The following SGCD variants were observed in gnomAD, a reference collection of about 807,000 sequenced individuals.
SGCD encodes the protein delta-sarcoglycan.
A neutral mutation model predicts 36.6 loss-of-function variants in SGCD; 18 were observed. The observed-to-expected ratio is 0.49, with a 90% CI of 0.34 to 0.73. The LOEUF (loss-of-function observed/expected upper bound fraction) is 0.73, where lower values mean the gene tolerates loss of function less well. Ranked by LOEUF, SGCD falls within the 30% of genes least tolerant of loss-of-function variation. SGCD has a pLI of 0.01. For synonymous variants in SGCD, 133 were observed against 130.6 expected, an observed-to-expected ratio of 1.02 and a Z score of -0.12; for missense variants, 387 against 346.7, an observed-to-expected ratio of 1.12 and a Z score of -0.92.
intron 4 of SGCD, among the ~76,000 whole-genome samples, chr5:156,524,243 T>A (rs957660817): frequency 3.0e-5 from 4 of 135,204 alleles, no homozygotes; most frequent in African/African-American, 1.1e-4. Context: ...GTAATATATA[T>A]AGTTATATAT....
At chr5:156,623,347 T>C (rs1224687889) in intron 6 of SGCD, among the ~76,000 whole-genome samples, 2 of 152,150 alleles carry the variant, frequency 1.3e-5, no homozygotes, top group Non-Finnish European at 2.9e-5. Flanking sequence ...CAGGGATGGG[T>C]TGGACAGATC....
intron 6 of SGCD, among the ~76,000 whole-genome samples, chr5:156,618,426 A>G (rs1344032046): frequency 6.6e-6 from 1 of 152,142 alleles, no homozygotes. Flanking sequence ...AGTTCCCATA[A>G]ATAATGCAGC....
chr5:155,797,771 A>G, the SGCD span, among the ~76,000 whole-genome samples: 1 of 152,216 alleles, frequency 6.6e-6, no homozygotes. Context: ...CGTGTTAAAT[A>G]AGATGACATC....
intron 1 of SGCD, among the ~76,000 whole-genome samples, chr5:155,978,848 G>A (rs1204825344): frequency 1.3e-5 from 2 of 152,066 alleles, no homozygotes. Flanking sequence ...AAGAGTTAAG[G>A]TGGAAAATTG....
At chr5:155,775,897 C>A in the SGCD span, among the ~76,000 whole-genome samples, 1 of 152,092 alleles carries the variant, frequency 6.6e-6, no homozygotes, top group Non-Finnish European at 1.5e-5. Context: ...TAGAAACAGA[C>A]AATAGGGGAT....
At chr5:156,243,644 T>A (rs2127657423) in intron 3 of SGCD, among the ~76,000 whole-genome samples, 1 of 152,296 alleles carries the variant, frequency 6.6e-6, no homozygotes, top group East Asian at 1.9e-4. Context: ...CATGTAACAC[T>A]CAAATATTGA....
intron 1 of SGCD, among the ~76,000 whole-genome samples, chr5:156,023,343 G>GAA (rs5872451): frequency 0.53 from 80,895 of 151,930 alleles, 23,564 homozygotes; most frequent in Non-Finnish European, 0.66. Context: ...ATGTTGCCAT[G>GAA]AACTGTGCTT....
chr5:155,763,843 TC>T, the SGCD span, among the ~76,000 whole-genome samples: 1 of 145,702 alleles, frequency 6.9e-6, no homozygotes, highest in South Asian at 2.3e-4. Flanking sequence ...TCTCATTCTT[TC>T]CCCCCTTCAA....
chr5:156,708,195 A>G (rs1287191027), intron 7 of SGCD, among the ~76,000 whole-genome samples: 2 of 151,770 alleles, frequency 1.3e-5, no homozygotes, highest in South Asian at 2.1e-4. Context: ...TTTTTTGGTT[A>G]TCTTCTTTGG....
chr5:156,409,611 G>C (rs1257353936), intron 3 of SGCD, among the ~76,000 whole-genome samples: 1 of 152,106 alleles, frequency 6.6e-6, no homozygotes, highest in Non-Finnish European at 1.5e-5. Flanking sequence ...TCTATGCCCA[G>C]CCTCAGAATA....
intron 3 of SGCD, among the ~76,000 whole-genome samples, chr5:156,195,407 T>C (rs1763998850): frequency 6.6e-6 from 1 of 152,232 alleles, no homozygotes; most frequent in South Asian, 2.1e-4. Context: ...TTTTCACATC[T>C]AAATGTTAGA....
intron 1 of SGCD, among the ~76,000 whole-genome samples, chr5:155,911,463 G>T (rs557653243): frequency 2.0e-5 from 3 of 151,830 alleles, no homozygotes; most frequent in Admixed American, 6.6e-5. Flanking sequence ...GTTCACAATA[G>T]TATTTGTATT....
At chr5:156,294,811 C>G (rs772843655) in intron 3 of SGCD, among the ~76,000 whole-genome samples, 5 of 152,084 alleles carry the variant, frequency 3.3e-5, no homozygotes, top group Non-Finnish European at 4.4e-5. Context: ...CTAGATTATT[C>G]TTGTATTCCA....
At chr5:156,621,763 T>C (rs1762259122) in intron 6 of SGCD, among the ~76,000 whole-genome samples, 1 of 152,120 alleles carries the variant, frequency 6.6e-6, no homozygotes, top group Admixed American at 6.5e-5. Flanking sequence ...ACACAGAGAG[T>C]AGAGATGGAG....
In SGCD at chr5:156,759,308, G is replaced by T. The variant is rs1757453004; in HGVS notation, c.791G>T (p.Cys264Phe). 1 of 1,613,572 alleles carries T rather than the reference G, an allele frequency of 6.2e-7. No homozygotes were observed. The highest frequency in any genetic ancestry group is 8.5e-7 in the Non-Finnish European group (1 of 1,179,656). Reference protein sequence around the residue: ...TGTRQKVFEICVCANGRLFLS... With the variant: ...TGTRQKVFEIFVCANGRLFLS... Reference sequence around the variant, plus strand: ...ACGAGGCAGAAGGTCTTCGAGATCTGCGTCTGCGCCAATGGGAGATTATTC... The same window carrying T: ...ACGAGGCAGAAGGTCTTCGAGATCTTCGTCTGCGCCAATGGGAGATTATTC... The change falls in exon 9 of 9, where the codon TGC (cysteine) becomes TTC (phenylalanine). Residue 264 changes from cysteine to phenylalanine, a missense_variant. Cys to Phe is a radical substitution (Grantham distance 205, BLOSUM62 -2). Coordinates refer to ENST00000337851, the MANE Select transcript of SGCD (RefSeq NM_000337.6).
intron 4 of SGCD, among the ~76,000 whole-genome samples, chr5:156,547,694 G>A (rs376135923): frequency 5.1e-4 from 77 of 152,048 alleles, no homozygotes; most frequent in African/African-American, 1.7e-3. Context: ...CGCCCACCTC[G>A]GCCTCCCAAA....
At chr5:156,605,000 T>C (rs1761368269) in intron 6 of SGCD, among the ~76,000 whole-genome samples, 1 of 151,690 alleles carries the variant, frequency 6.6e-6, no homozygotes, top group Non-Finnish European at 1.5e-5. Context: ...AGCAATGGGG[T>C]ATTTTGAGTT....
intron 1 of SGCD, among the ~76,000 whole-genome samples, chr5:155,884,649 C>T (rs974362036): frequency 6.6e-6 from 1 of 152,172 alleles, no homozygotes; most frequent in Non-Finnish European, 1.5e-5. Flanking sequence ...GTTGGTATAG[C>T]TTTCTGGCAT....
intron 1 of SGCD, among the ~76,000 whole-genome samples, chr5:155,979,486 A>C (rs139470113): frequency 1.3e-5 from 2 of 152,364 alleles, no homozygotes; most frequent in East Asian, 3.9e-4. Context: ...TATTAAGAAG[A>C]GCTGCTGAGA....
Sources: gnomAD v4.1 joint callset for allele counts (sites outside exome capture counted in the v4.1 genomes callset) on GRCh38, gnomAD v4.1.1 for gene constraint, MANE v1.5 for transcripts, NCBI Gene and HGNC (gene_info 2026-07-23, HGNC 2026-07-21) for gene names.